Variants in ZNF423 observed in about 807,000 individuals in gnomAD.
ZNF423 encodes the protein zinc finger protein 423, also known as Ebf-associated zinc finger protein.
A neutral mutation model predicts 95.8 loss-of-function variants in ZNF423; 12 were observed. The ratio of observed to expected loss-of-function variants is 0.13; its 90% CI spans 0.08 to 0.20. The LOEUF (loss-of-function observed/expected upper bound fraction) is 0.20. Ranked by LOEUF, ZNF423 falls within the 10% of genes least tolerant of loss-of-function variation. The pLI, the probability that ZNF423 is intolerant of heterozygous loss-of-function variation, is 1.00. For missense variants in ZNF423, 1,316 were observed against 1,737.1 expected (o/e 0.76, Z 4.31); for synonymous variants, 749 against 711.9 (o/e 1.05, Z -0.83).
At position 49,721,875 on chromosome 16, in the gene ZNF423, T is replaced by C. The variant is rs563456966; in HGVS notation, c.301+8896A>G. Among the ~76,000 whole-genome samples, 4 of 152,132 alleles carry C rather than the reference T, an allele frequency of 2.6e-5. No individual in the cohort carries two copies. In the South Asian group the frequency reaches 6.2e-4, roughly 24 times the overall value. ...TGGAAAACACAAGAAATGCAGAATC[T>C]TCCCACCTTGACCCCTGCCTTCTAT... On this transcript the variant is annotated intron_variant, in intron 3 of 7. Transcript: ENST00000563137.
chr16:49,715,033 C>A (rs185229015), intron 3 of ZNF423, among the ~76,000 whole-genome samples: 56 of 152,244 alleles, frequency 3.7e-4, no homozygotes, highest in African/African-American at 8.2e-4. Context: ...TCCAAGGGAA[C>A]AACTTAGCAC....
intron 3 of ZNF423, among the ~76,000 whole-genome samples, chr16:49,641,025 G>A (rs558963935): frequency 1.8e-4 from 28 of 152,316 alleles, no homozygotes; most frequent in Admixed American, 1.8e-3. Context: ...AGGCCAGGCT[G>A]GACTGGCTTC....
intron 1 of ZNF423, among the ~76,000 whole-genome samples, chr16:49,811,043 C>T (rs1452719789): frequency 6.6e-6 from 1 of 152,098 alleles, no homozygotes; most frequent in Non-Finnish European, 1.5e-5. Flanking sequence ...GCTCAGGGGG[C>T]CCTCAGAGCT....
chr16:49,580,303 G>A (rs745731304), intron 5 of ZNF423, among the ~76,000 whole-genome samples: 9 of 152,040 alleles, frequency 5.9e-5, no homozygotes, highest in Non-Finnish European at 1.2e-4. Flanking sequence ...TTAAACCTCA[G>A]CTTGACCAAC....
chr16:49,493,828 C>T (rs556564401), intron 7 of ZNF423, among the ~76,000 whole-genome samples: 5 of 152,252 alleles, frequency 3.3e-5, no homozygotes, highest in East Asian at 1.9e-4. Context: ...ATCCAAGTGG[C>T]GATGCAGGCA....
chr16:49,759,364 A>G (rs1471933568), intron 2 of ZNF423, among the ~76,000 whole-genome samples: 1 of 150,948 alleles, frequency 6.6e-6, no homozygotes, highest in Non-Finnish European at 1.5e-5. Flanking sequence ...GAGCCACTGC[A>G]CTCCAGCCTG....
At chr16:49,726,971 C>T (rs2033036186) in intron 3 of ZNF423, among the ~76,000 whole-genome samples, 1 of 151,902 alleles carries the variant, frequency 6.6e-6, no homozygotes. Context: ...GCTCACAACC[C>T]CAAGCATGCG....
chr16:49,586,732 TCACAG>T (rs1466130144), intron 5 of ZNF423, among the ~76,000 whole-genome samples: 3 of 152,182 alleles, frequency 2.0e-5, no homozygotes, highest in Admixed American at 6.5e-5. Flanking sequence ...ACTGTTCCCT[TCACAG>T]CACAGTATTC....
chr16:49,628,797 G>A (rs1972397662), intron 4 of ZNF423, among the ~76,000 whole-genome samples: 1 of 152,192 alleles, frequency 6.6e-6, no homozygotes, highest in Non-Finnish European at 1.5e-5. Flanking sequence ...AAACTGAGAT[G>A]AGAAGCTTCA....
chr16:49,811,043 C>G (rs1452719789), intron 1 of ZNF423, among the ~76,000 whole-genome samples: 1 of 152,098 alleles, frequency 6.6e-6, no homozygotes, highest in Non-Finnish European at 1.5e-5. Context: ...GCTCAGGGGG[C>G]CCTCAGAGCT....
At chr16:49,517,698 A>G (rs1968207310) in intron 7 of ZNF423, 1 of 230,780 alleles carries the variant, frequency 4.3e-6, no homozygotes, top group African/African-American at 2.4e-5. Context: ...TCATTGTTAG[A>G]TCAGGCCAGT....
chr16:49,830,271 T>A (rs934516264), intron 1 of ZNF423, among the ~76,000 whole-genome samples: 1 of 151,790 alleles, frequency 6.6e-6, no homozygotes, highest in Non-Finnish European at 1.5e-5. Context: ...AACGGCACAG[T>A]CCTAGGACAT....
At chr16:49,514,608 G>A (rs761969670) in intron 7 of ZNF423, among the ~76,000 whole-genome samples, 1 of 152,106 alleles carries the variant, frequency 6.6e-6, no homozygotes, top group African/African-American at 2.4e-5. Context: ...CTATCGAAAG[G>A]GCTCCGGGTT....
chr16:49,548,813 A>G (rs548893675), intron 5 of ZNF423, among the ~76,000 whole-genome samples: 2 of 152,198 alleles, frequency 1.3e-5, no homozygotes, highest in South Asian at 2.1e-4. Flanking sequence ...TGGCATCCAC[A>G]CCCGGACCCA....
chr16:49,779,596 C>T (rs2034175491), intron 2 of ZNF423, among the ~76,000 whole-genome samples: 1 of 152,130 alleles, frequency 6.6e-6, no homozygotes, highest in Admixed American at 6.5e-5. Flanking sequence ...GCAGGATGGG[C>T]AGCAACTCCC....
intron 5 of ZNF423, among the ~76,000 whole-genome samples, chr16:49,593,836 C>T (rs983991662): frequency 6.6e-6 from 1 of 152,130 alleles, no homozygotes; most frequent in Non-Finnish European, 1.5e-5. Context: ...GAGGGGGCCG[C>T]GGAGGCAACA....
intron 1 of ZNF423, chr16:49,854,956 GT>G: frequency 1.0e-6 from 1 of 985,116 alleles, no homozygotes; most frequent in South Asian, 4.7e-5. Flanking sequence ...GGTGCCCGGG[GT>G]CAGATCCGGG....
intron 2 of ZNF423, among the ~76,000 whole-genome samples, chr16:49,772,366 C>T (rs1322608682): frequency 1.3e-5 from 2 of 152,246 alleles, no homozygotes; most frequent in African/African-American, 4.8e-5. Flanking sequence ...CATCAAAATG[C>T]TCATCTCTTC....
At chr16:49,515,239 C>T (rs1052250208) in intron 7 of ZNF423, among the ~76,000 whole-genome samples, 2 of 152,222 alleles carry the variant, frequency 1.3e-5, no homozygotes, top group Admixed American at 6.5e-5. Context: ...GCGCACAGGC[C>T]CCATGGCGTT....
Sources: allele counts gnomAD v4.1 joint callset (sites outside exome capture counted in the v4.1 genomes callset), GRCh38; gene constraint gnomAD v4.1.1; transcripts MANE v1.5; gene names NCBI Gene and HGNC (gene_info 2026-07-23, HGNC 2026-07-21).